Variants in CUL9 observed in about 807,000 individuals in gnomAD.
The protein encoded by CUL9 is cullin 9, also known as cullin-9.
In CUL9, 79 loss-of-function variants were observed where a neutral mutation model predicts 272.6. That is an observed-to-expected ratio of 0.29 (90% CI 0.24 to 0.35). CUL9 has a LOEUF of 0.35. Ranked by LOEUF, CUL9 falls within the 10% of genes least tolerant of loss-of-function variation. The probability of loss-of-function intolerance (pLI) is 1.00; values close to 1 mark genes in which losing one functional copy is unlikely to be tolerated. For synonymous variants in CUL9, 1,186 were observed against 1,286.5 expected (o/e 0.92, Z 1.67); for missense variants, 2,532 against 3,255.6 (o/e 0.78, Z 5.41).
chr6:43,204,257 C>T, intron 20 of CUL9, 103 bp from the exon 21 acceptor site: 1 of 1,397,942 alleles, frequency 7.2e-7, no homozygotes, highest in Non-Finnish European at 9.9e-7. Flanking sequence ...GCCCCACTAC[C>T]CCTCAAGCCT....
Position 43,222,235 on chromosome 6 carries a change from G to A in CUL9, c.6847-81G>A, listed in dbSNP as rs970651283. ...TCGGGGGAGGTGTAGAAAGGCCTCC[G>A]TGAATGTTGGCTTTTCCACTTATTA... On this transcript the variant is annotated intron_variant, in intron 35 of 40. Coordinates refer to ENST00000252050, the MANE Select transcript of CUL9 (RefSeq NM_015089.4). 21 of 1,128,478 alleles carry A rather than the reference G, an allele frequency of 1.9e-5. 1 individual carries two copies. Among genetic ancestry groups the A allele is most frequent in the South Asian group, 8.9e-5 (7 of 78,352 alleles). 69.9% of individuals were successfully genotyped at this position (1,128,478 alleles called of 1,614,324 possible). A position where few individuals can be genotyped will look rare whatever the true frequency, so the allele number is the denominator to read the frequency against.
chr6:43,183,709 CCT>C (rs1772644409), intron 1 of CUL9, among the ~76,000 whole-genome samples: 2 of 122,172 alleles, frequency 1.6e-5, no homozygotes, highest in Admixed American at 1.6e-4. Context: ...TTCCTTTCTT[CCT>C]TCCTTCCTTC....
Position 43,224,374 on chromosome 6 carries a change from T to A in CUL9, c.7483T>A (p.Ser2495Thr), listed in dbSNP as rs200744388. Residue 2495 changes from serine to threonine, a missense_variant, in exon 41 of 41, where the codon TCT (serine) becomes ACT (threonine). By Grantham distance (58) the Ser-to-Thr change is moderately conservative. Around this residue, in one of 3 missense-constraint regions of CUL9, gnomAD observed 237 missense variants for 305.9 expected, o/e 0.77. Transcript: ENST00000252050. The surrounding 1 kb of genome is among the most constrained non-coding windows in gnomAD (Gnocchi z 4.2). ...CAATGACAGCTTCTCCTACGATGAGTCTGAGAACCTGGACCAAGAGACTTT... is the reference window on the plus strand; with the variant it reads ...CAATGACAGCTTCTCCTACGATGAGACTGAGAACCTGGACCAAGAGACTTT... ...LDNDSFSYDE[S>T]ENLDQETFFF... 32 of 1,614,008 alleles carry A rather than the reference T, an allele frequency of 2.0e-5. No individual in the cohort carries two copies. Among genetic ancestry groups the A allele is most frequent in the Non-Finnish European group, 2.2e-5 (26 of 1,179,992 alleles).
Position 43,222,550 on chromosome 6 carries a change from G to A in CUL9, c.6941G>A (p.Arg2314Gln), listed in dbSNP as rs770497604. ...HQAREFAVNL[R>Q]NRVSAIHEVP... is the part of the protein sequence containing the mutation. Reference sequence around the variant, plus strand: ...ACACAGGAGTTTGCTGTGAACTTGCGGAACCGGGTGTCTGCCATCCATGAA... The same window carrying A: ...ACACAGGAGTTTGCTGTGAACTTGCAGAACCGGGTGTCTGCCATCCATGAA... The change falls in exon 37 of 41, where the codon CGG becomes CAG. Residue 2314 changes from arginine to glutamine, a missense_variant. Physicochemically the swap from Arg to Gln is conservative, Grantham distance 43. This residue lies in a region of CUL9 where 237 missense variants were observed against 305.9 expected (regional missense o/e 0.77). Coordinates refer to ENST00000252050, the MANE Select transcript of CUL9 (RefSeq NM_015089.4). 11 of 1,613,736 alleles carry A rather than the reference G, an allele frequency of 6.8e-6. No individual in the cohort carries two copies. The highest frequency in any genetic ancestry group is 3.3e-5 in the South Asian group (3 of 91,090).
chr6:43,221,605 C>A lies in CUL9; in HGVS notation c.6753-80C>A. The A allele has an allele frequency of 7.7e-7, 1 of 1,293,642 alleles. No individual in the cohort carries two copies. The allele number at this position is 1,293,642 out of a possible 1,614,324, so 80.1% of individuals were successfully genotyped here. On this transcript the variant is annotated intron_variant, in intron 34 of 40. Coordinates refer to ENST00000252050, the MANE Select transcript of CUL9 (RefSeq NM_015089.4). The surrounding 1 kb of genome is among the most constrained non-coding windows in gnomAD (Gnocchi z 4.2). The stretch of plus-strand genomic sequence containing the variant: ...GGAGCAGAGGCCACAGCATCAACAG[C>A]GGTACATCTGGGCCCTTGGCATTCC...
chr6:43,222,302 C>T lies in CUL9; in HGVS notation c.6847-14C>T, dbSNP rs575089229. On this transcript the variant is annotated splice_polypyrimidine_tract_variant and intron_variant, in intron 35 of 40. Transcript: ENST00000252050. ...ACAAAACACCCAATAGCCCTCCCAACGTATCCTTGCTAGGTAAGCAAGGCA... is the reference window on the plus strand; with the variant it reads ...ACAAAACACCCAATAGCCCTCCCAATGTATCCTTGCTAGGTAAGCAAGGCA... The T allele has an allele frequency of 5.6e-6, 9 of 1,612,634 alleles. No homozygotes were observed. The highest frequency in any genetic ancestry group is 1.3e-5 in the African/African-American group (1 of 75,008).
At position 43,213,933 on chromosome 6, in the gene CUL9, G is replaced by A; in HGVS notation, c.5688+21G>A. The A allele has an allele frequency of 1.2e-6, 2 of 1,613,226 alleles. No homozygotes were observed. The highest frequency in any genetic ancestry group is 1.1e-5 in the South Asian group (1 of 91,068). On this transcript the variant is annotated intron_variant, in intron 29 of 40. Coordinates refer to ENST00000252050, the MANE Select transcript of CUL9 (RefSeq NM_015089.4). The surrounding 1 kb of genome is among the most constrained non-coding windows in gnomAD (Gnocchi z 5.7). The stretch of plus-strand genomic sequence containing the variant: ...GTCTGGTAGGCAGAGAGGGGACCAT[G>A]AAGTTGGCGGAGGGAGGGAGTCATG...
At position 43,224,574 on chromosome 6, in the gene CUL9, C is replaced by G; in HGVS notation, c.*129C>G. 1 of 855,058 alleles carries G rather than the reference C, an allele frequency of 1.2e-6. No homozygotes were observed. Among genetic ancestry groups the G allele is most frequent in the Non-Finnish European group, 1.8e-6 (1 of 569,144 alleles). 53.0% of individuals were successfully genotyped at this position (855,058 alleles called of 1,614,324 possible). On this transcript the variant is annotated 3_prime_UTR_variant, in exon 41 of 41. Coordinates refer to ENST00000252050, the MANE Select transcript of CUL9 (RefSeq NM_015089.4). The surrounding 1 kb of genome is among the most constrained non-coding windows in gnomAD (Gnocchi z 4.2). ...CTTCCTGTTTGCTGAATAAAGGTCT[C>G]TTTCTCACACACATCTCTGGGAGCA...
At position 43,213,994 on chromosome 6, in the gene CUL9, A is replaced by G; in HGVS notation, c.5688+82A>G. 18 of 1,368,964 alleles carry G rather than the reference A, an allele frequency of 1.3e-5. No homozygotes were observed. The South Asian group carries it at 1.8e-4, about 14-fold the overall frequency. 84.8% of individuals were successfully genotyped at this position (1,368,964 alleles called of 1,614,324 possible). On this transcript the variant is annotated intron_variant, in intron 29 of 40. Coordinates refer to ENST00000252050, the MANE Select transcript of CUL9 (RefSeq NM_015089.4). This position sits in a 1 kb window ranked among gnomAD's most constrained non-coding sequence, Gnocchi z 5.7. ...GGGATGAACACAGTGAACTCTTTCA[A>G]TATAAGACTTCTGTAGGGTGACATT... is the stretch of plus-strand genomic sequence containing the variant.
chr6:43,210,775 A>C (rs538049488), intron 26 of CUL9, among the ~76,000 whole-genome samples: 1 of 152,202 alleles, frequency 6.6e-6, no homozygotes, highest in East Asian at 1.9e-4. Flanking sequence ...ATTTATTATT[A>C]ATTAATTGAC....
At position 43,221,386 on chromosome 6, in the gene CUL9, G is replaced by T. The variant is rs993742983; in HGVS notation, c.6752+65G>T. 9 of 1,445,784 alleles carry T rather than the reference G, an allele frequency of 6.2e-6. No homozygotes were observed. Among genetic ancestry groups the T allele is most frequent in the Non-Finnish European group, 8.4e-6 (9 of 1,069,006 alleles). The allele number at this position is 1,445,784 out of a possible 1,614,324, so 89.6% of individuals were successfully genotyped here. On this transcript the variant is annotated intron_variant, in intron 34 of 40. Coordinates refer to ENST00000252050, the MANE Select transcript of CUL9 (RefSeq NM_015089.4). This position sits in a 1 kb window ranked among gnomAD's most constrained non-coding sequence, Gnocchi z 4.2. ...GGGGGGAGGAGGCCTGGCAGAAGGA[G>T]GGGGGAACGGGCTTAGTGTAAAGCT...
chr6:43,211,113 GT>G (rs1440427341), intron 26 of CUL9, among the ~76,000 whole-genome samples: 8 of 152,076 alleles, frequency 5.3e-5, no homozygotes, highest in Admixed American at 5.2e-4. Flanking sequence ...TATTACTGTT[GT>G]TCCATATTTT....
At chr6:43,182,419 C>T (rs1562005658) in intron 1 of CUL9, among the ~76,000 whole-genome samples, 170 bp downstream of exon 1, 1 of 151,790 alleles carries the variant, frequency 6.6e-6, no homozygotes, top group Non-Finnish European at 1.5e-5. Flanking sequence ...TTCCCCCTCC[C>T]CCCAAACCCG....
At chr6:43,210,954 A>G (rs1775430066) in intron 26 of CUL9, among the ~76,000 whole-genome samples, 1 of 152,048 alleles carries the variant, frequency 6.6e-6, no homozygotes, top group African/African-American at 2.4e-5. Context: ...TGTCTATATC[A>G]GTTTTAGAAC....
rs143380446 is a variant in CUL9, at chr6:43,219,745, C to T, written c.6283-714C>T. 4.3e-3 allele frequency among the ~76,000 whole-genome samples: 651 copies of T among 152,246 alleles called. 8 individuals are homozygous for T. The highest frequency in any genetic ancestry group is 0.014 in the African/African-American group (587 of 41,546). On this transcript the variant is annotated intron_variant, in intron 31 of 40. Transcript: ENST00000252050. The stretch of plus-strand genomic sequence containing the variant: ...TTGTAGGAGGCTCAGACGGCTGCAA[C>T]GGCTGCTCGTGCATAGACCAAATGG...
intron 16 of CUL9, among the ~76,000 whole-genome samples, chr6:43,201,542 T>C (rs1263931948): frequency 6.6e-6 from 1 of 152,188 alleles, no homozygotes; most frequent in Non-Finnish European, 1.5e-5. Flanking sequence ...TACAGTGGTG[T>C]GATCTCAGCT....
At chr6:43,212,523 A>G (rs889909638) in intron 26 of CUL9, among the ~76,000 whole-genome samples, 27 of 152,284 alleles carry the variant, frequency 1.8e-4, no homozygotes, top group Middle Eastern at 3.4e-3. Context: ...ATTATTTTTA[A>G]CTCATTTTAA....
chr6:43,206,333 G>A lies in CUL9; in HGVS notation c.5035G>A (p.Glu1679Lys). Reference sequence around the variant, plus strand: ...TTCTGTCCCTCAGGAGGAAGAGGAGGAAGAGGAAGCTGAGAAAGAATTATT... The same window carrying A: ...TTCTGTCCCTCAGGAGGAAGAGGAGAAAGAGGAAGCTGAGAAAGAATTATT... ...RLEEEEEEEE[E>K]EEAEKELFIE... is the part of the protein sequence containing the mutation. The change falls in exon 26 of 41, where the codon GAA (glutamate) becomes AAA (lysine). Residue 1679 changes from glutamate to lysine, a missense_variant. This residue lies in a region of CUL9 where 2,218 missense variants were observed against 2,788.6 expected (regional missense o/e 0.80). Coordinates refer to ENST00000252050, the MANE Select transcript of CUL9 (RefSeq NM_015089.4). This position sits in a 1 kb window ranked among gnomAD's most constrained non-coding sequence, Gnocchi z 4.8. The A allele has an allele frequency of 1.2e-6, 2 of 1,614,166 alleles. No homozygotes were observed. Among genetic ancestry groups the A allele is most frequent in the Non-Finnish European group, 8.5e-7 (1 of 1,180,022 alleles).
rs779866234 is a variant in CUL9, at chr6:43,206,486, C to T, written c.5188C>T (p.Arg1730Cys). 8 of 1,614,032 alleles carry T rather than the reference C, an allele frequency of 5.0e-6. No homozygotes were observed. Among genetic ancestry groups the T allele is most frequent in the Admixed American group, 3.3e-5 (2 of 59,992 alleles). Residue 1730 changes from arginine to cysteine, a missense_variant, in exon 26 of 41, where the codon CGT (arginine) becomes TGT (cysteine). Arg to Cys is a radical substitution (Grantham distance 180). This residue lies in a region of CUL9 where 2,218 missense variants were observed against 2,788.6 expected (regional missense o/e 0.80). Coordinates refer to ENST00000252050, the MANE Select transcript of CUL9 (RefSeq NM_015089.4). The surrounding 1 kb of genome is among the most constrained non-coding windows in gnomAD (Gnocchi z 4.8). ...CACAGAATTCTGTGATGCCCTTGAC[C>T]GTTTCTCCAGTTTCTACAGCCAGAG... is the stretch of plus-strand genomic sequence containing the variant. ...LPTEFCDALD[R>C]FSSFYSQSQN...
Sources: gnomAD v4.1 joint callset for allele counts (sites outside exome capture counted in the v4.1 genomes callset) on GRCh38, gnomAD v4.1.1 for gene constraint, gnomAD v4.1.1 regional missense constraint, Gnocchi (gnomAD v3.1) non-coding constraint, MANE v1.5 for transcripts, NCBI Gene and HGNC (gene_info 2026-07-23, HGNC 2026-07-21) for gene names.